The following AOPEP variants were observed in gnomAD, a reference collection of about 807,000 sequenced individuals.
AOPEP encodes aminopeptidase O (putative), also known as aminopeptidase O.
Under a neutral mutation model 98.1 loss-of-function variants are expected in AOPEP, and 77 were observed. That is an observed-to-expected ratio of 0.78 (90% CI 0.65 to 0.95). AOPEP has a LOEUF of 0.95. AOPEP is among the 40% of genes least tolerant of loss of function. The pLI is 0.00. For synonymous variants in AOPEP, 346 were observed against 365.3 expected (o/e 0.95, Z 0.60); for missense variants, 1,024 against 1,024.7 (o/e 1.00, Z 0.01).
At chr9:94,768,484 A>C (rs1264571868) in intron 2 of AOPEP, among the ~76,000 whole-genome samples, 2 of 152,242 alleles carry the variant, frequency 1.3e-5, no homozygotes, top group East Asian at 3.8e-4. Flanking sequence ...GAAGACTAGC[A>C]AACACGTTAG....
At chr9:94,919,506 G>A (rs1052480969) in intron 5 of AOPEP, among the ~76,000 whole-genome samples, 2 of 152,160 alleles carry the variant, frequency 1.3e-5, no homozygotes, top group African/African-American at 4.8e-5. Context: ...GACTACAGAA[G>A]CATCTCCTAC....
intron 11 of AOPEP, among the ~76,000 whole-genome samples, chr9:94,998,842 C>G (rs992558697): frequency 2.6e-5 from 4 of 152,192 alleles, no homozygotes; most frequent in Non-Finnish European, 5.9e-5. Context: ...ATCTAAGCCC[C>G]TTTCTTCTGG....
At chr9:94,892,583 T>C (rs546648642) in intron 5 of AOPEP, among the ~76,000 whole-genome samples, 66 of 152,296 alleles carry the variant, frequency 4.3e-4, no homozygotes, top group African/African-American at 1.5e-3. Flanking sequence ...ATAGTTTCTG[T>C]GAGATGGCCT....
intron 3 of AOPEP, among the ~76,000 whole-genome samples, chr9:94,789,338 G>T (rs1247231342): frequency 6.6e-6 from 1 of 152,198 alleles, no homozygotes; most frequent in East Asian, 1.9e-4. Context: ...TTACTGAGCT[G>T]CCAAGGGTCT....
intron 5 of AOPEP, among the ~76,000 whole-genome samples, chr9:94,869,443 T>C (rs940010859): frequency 2.0e-5 from 3 of 152,152 alleles, no homozygotes; most frequent in African/African-American, 7.2e-5. Flanking sequence ...AGGCTGTATT[T>C]AACCAAAAAT....
intron 5 of AOPEP, among the ~76,000 whole-genome samples, chr9:94,912,330 A>T (rs2052171813): frequency 6.6e-6 from 1 of 152,204 alleles, no homozygotes; most frequent in African/African-American, 2.4e-5. Context: ...GCCAGCGTGC[A>T]GTTAAGTTGG....
intron 3 of AOPEP, among the ~76,000 whole-genome samples, chr9:94,789,052 T>C (rs150466304): frequency 2.0e-5 from 3 of 152,228 alleles, no homozygotes; most frequent in African/African-American, 7.2e-5. Context: ...AGGGGTAAAA[T>C]GAGGTGGGTC....
At chr9:95,130,984 T>C in the AOPEP span, among the ~76,000 whole-genome samples, 1 of 152,208 alleles carries the variant, frequency 6.6e-6, no homozygotes, top group African/African-American at 2.4e-5. Flanking sequence ...AAATATCCCT[T>C]TTACATTTTC....
chr9:94,988,866 C>T (rs180673824), intron 11 of AOPEP, among the ~76,000 whole-genome samples: 1 of 151,992 alleles, frequency 6.6e-6, no homozygotes, highest in African/African-American at 2.4e-5. Context: ...CCGTAATTAT[C>T]TCATATTCTG....
intron 5 of AOPEP, among the ~76,000 whole-genome samples, chr9:94,916,268 G>A (rs1406780757): frequency 6.6e-6 from 1 of 152,074 alleles, no homozygotes; most frequent in East Asian, 1.9e-4. Context: ...TGAGGGAGTG[G>A]AATCACATTT....
the AOPEP span, among the ~76,000 whole-genome samples, chr9:95,118,501 A>G: frequency 6.6e-6 from 1 of 152,244 alleles, no homozygotes; most frequent in East Asian, 1.9e-4. Flanking sequence ...GTGCAAATCC[A>G]TGTGACCACC....
intron 7 of AOPEP, chr9:94,934,988 T>A (rs2056030900): frequency 6.6e-6 from 1 of 152,280 alleles, no homozygotes. Context: ...GGAATTGTTC[T>A]GATACGGGTT....
At chr9:94,953,287 C>T (rs1213637703) in intron 7 of AOPEP, among the ~76,000 whole-genome samples, 5 of 152,180 alleles carry the variant, frequency 3.3e-5, no homozygotes, top group Admixed American at 1.3e-4. Flanking sequence ...ATTAGTTATT[C>T]TTACAAGTGT....
chr9:95,131,021 G>A, the AOPEP span, among the ~76,000 whole-genome samples: 1 of 151,980 alleles, frequency 6.6e-6, no homozygotes, highest in Non-Finnish European at 1.5e-5. Flanking sequence ...AAAACATTCA[G>A]GTTCCTTTTA....
the AOPEP span, among the ~76,000 whole-genome samples, chr9:95,093,879 AG>A: frequency 6.6e-6 from 1 of 152,196 alleles, no homozygotes; most frequent in Admixed American, 6.5e-5. Flanking sequence ...GCCTCAGTGT[AG>A]CCTTGGGCAC....
intron 9 of AOPEP, among the ~76,000 whole-genome samples, chr9:94,964,268 A>T (rs532238073): frequency 2.6e-4 from 40 of 152,336 alleles, no homozygotes; most frequent in African/African-American, 9.4e-4. Flanking sequence ...AGGTAGGAAG[A>T]GGCAGGTGCT....
intron 7 of AOPEP, among the ~76,000 whole-genome samples, chr9:94,943,938 A>AAAC (rs2057332192): frequency 6.6e-6 from 1 of 150,788 alleles, no homozygotes; most frequent in Non-Finnish European, 1.5e-5. Context: ...AAAAAAAAAA[A>AAAC]AAAAAAAAAC....
At position 94,917,277 on chromosome 9, in the gene AOPEP, GAGGTGGTCTCTGTGTTTCCTAGACTCA is replaced by G. The variant is rs528720276; in HGVS notation, c.1365-6698_1365-6672del. 3.3e-5 allele frequency among the ~76,000 whole-genome samples: 5 copies of G among 152,034 alleles called. 1 individual carries two copies. The South Asian group carries it at 6.2e-4, about 19-fold the overall frequency. ...GGTCTGCAGAGCTGCCACTGAGCCA[GAGGTGGTCTCTGTGTTTCCTAGACTCA>G]AGGTGGTCTCCATGTTTTGTCGTTG... On this transcript the variant is annotated intron_variant, in intron 5 of 16. Transcript: ENST00000375315.
In AOPEP at chr9:94,817,031, A is replaced by C. The variant is rs1851851634; in HGVS notation, c.1364+16029A>C. On this transcript the variant is annotated intron_variant, in intron 5 of 16. Coordinates refer to ENST00000375315, the MANE Select transcript of AOPEP (RefSeq NM_001193329.3). ...TCCTTTTTTTTCCTTTTAGGATCTC[A>C]CTTTTTTACCCAAGGCTGAAGTGCA... Among the ~76,000 whole-genome samples the C allele has an allele frequency of 2.0e-5, 3 of 151,674 alleles. No homozygotes were observed. In the South Asian group the frequency reaches 6.3e-4, roughly 32 times the overall value.
Sources: gnomAD v4.1 joint callset for allele counts (sites outside exome capture counted in the v4.1 genomes callset) on GRCh38, gnomAD v4.1.1 for gene constraint, MANE v1.5 for transcripts, NCBI Gene and HGNC (gene_info 2026-07-23, HGNC 2026-07-21) for gene names.